Variants in SLCO3A1 observed in about 807,000 individuals in gnomAD.
The protein encoded by SLCO3A1 is PGE1 transporter.
SLCO3A1 carries 27 observed loss-of-function variants against 63.1 expected under a neutral mutation model. The observed-to-expected ratio is 0.43, with a 90% CI of 0.32 to 0.59. The LOEUF is 0.59. SLCO3A1 is among the 20% of genes least tolerant of loss of function. The probability of loss-of-function intolerance (pLI) is 0.09; values close to 1 mark genes in which losing one functional copy is unlikely to be tolerated. For missense variants in SLCO3A1, 773 were observed against 945.8 expected, an observed-to-expected ratio of 0.82 and a Z score of 2.40; for synonymous variants, 473 against 409.9, an observed-to-expected ratio of 1.15 and a Z score of -1.86.
intron 2 of SLCO3A1, among the ~76,000 whole-genome samples, chr15:91,921,864 A>G (rs537015877): frequency 4.0e-5 from 6 of 151,448 alleles, no homozygotes; most frequent in African/African-American, 1.2e-4. Flanking sequence ...CGAGTAGCTG[A>G]GATTATAGGT....
Position 91,865,365 on chromosome 15 carries a change from G to C in SLCO3A1, c.180+11277G>C, listed in dbSNP as rs573920191. On this transcript the variant is annotated intron_variant, in intron 1 of 9. Transcript: ENST00000318445. The surrounding 1 kb of genome is among the most constrained non-coding windows in gnomAD (Gnocchi z 4.6). ...TTCACAGTTTATCTGTTGGTGAGGT[G>C]GACATGGGCTTGGAGGGGAGAGGGT... Among the ~76,000 whole-genome samples, 14 of 152,296 alleles carry C rather than the reference G, an allele frequency of 9.2e-5. No homozygotes were observed. In the East Asian group the frequency reaches 2.7e-3, roughly 29 times the overall value.
intron 7 of SLCO3A1, among the ~76,000 whole-genome samples, chr15:92,144,822 G>A (rs1292203986): frequency 6.6e-6 from 1 of 152,192 alleles, no homozygotes; most frequent in Non-Finnish European, 1.5e-5. Flanking sequence ...CGTTCCTGGA[G>A]GCAGTTTTGA....
intron 1 of SLCO3A1, among the ~76,000 whole-genome samples, chr15:91,889,387 T>G (rs1897814349): frequency 6.6e-6 from 1 of 152,222 alleles, no homozygotes; most frequent in African/African-American, 2.4e-5. Flanking sequence ...GGTCCAGAGC[T>G]CACACTGCCT....
chr15:91,966,827 T>C (rs1018715265), intron 2 of SLCO3A1, among the ~76,000 whole-genome samples: 1 of 152,190 alleles, frequency 6.6e-6, no homozygotes, highest in Non-Finnish European at 1.5e-5. Flanking sequence ...GATTTCAACT[T>C]GAAGCAGAAA....
At chr15:92,064,183 G>C (rs756391948) in intron 2 of SLCO3A1, among the ~76,000 whole-genome samples, 1 of 152,200 alleles carries the variant, frequency 6.6e-6, no homozygotes, top group Non-Finnish European at 1.5e-5. Flanking sequence ...ACTTGGCTTC[G>C]AGGTCCTCCC....
At chr15:92,115,428 T>C (rs549237809) in intron 4 of SLCO3A1, among the ~76,000 whole-genome samples, 1 of 152,168 alleles carries the variant, frequency 6.6e-6, no homozygotes, top group African/African-American at 2.4e-5. Context: ...TGAGGAACAC[T>C]ACACATGACA....
chr15:91,982,886 C>G (rs1473870104), intron 2 of SLCO3A1, among the ~76,000 whole-genome samples: 1 of 152,218 alleles, frequency 6.6e-6, no homozygotes, highest in Non-Finnish European at 1.5e-5. Context: ...TTACACCCAG[C>G]AAGGGGATCA....
At chr15:91,937,278 C>T (rs1899447103) in intron 2 of SLCO3A1, among the ~76,000 whole-genome samples, 1 of 152,182 alleles carries the variant, frequency 6.6e-6, no homozygotes, top group African/African-American at 2.4e-5. Context: ...ACCTAGGGGG[C>T]AGGTAGCACG....
chr15:92,162,820 G>A lies in SLCO3A1; in HGVS notation c.1818G>A (p.Thr606=), dbSNP rs144388319. ...ACTCCACCTGCCTGTTCTGGAGCAC[G>A]TTCTGTGGGGAGCAAGGCGCCTGCG... ...GIDSTCLFWS[T]FCGEQGACVL... is the part of the protein sequence containing the mutation. Residue 606 remains threonine (T), a synonymous_variant, in exon 10 of 10, where the codon ACG becomes ACA. Coordinates refer to ENST00000318445, the MANE Select transcript of SLCO3A1 (RefSeq NM_013272.4). The A allele has an allele frequency of 5.3e-5, 85 of 1,614,176 alleles. No homozygotes were observed. The African/African-American group carries it at 7.1e-4, about 13-fold the overall frequency.
chr15:91,977,141 T>C (rs1333065772), intron 2 of SLCO3A1, among the ~76,000 whole-genome samples: 1 of 152,172 alleles, frequency 6.6e-6, no homozygotes, highest in Non-Finnish European at 1.5e-5. Context: ...ATGTCATGAA[T>C]GATTGGATGG....
intron 2 of SLCO3A1, among the ~76,000 whole-genome samples, chr15:92,042,197 T>G (rs542397721): frequency 6.6e-6 from 1 of 152,270 alleles, no homozygotes; most frequent in African/African-American, 2.4e-5. Context: ...GAGTAAACAC[T>G]TTTACTCTTT....
chr15:91,983,691 T>G (rs1341273299), intron 2 of SLCO3A1, among the ~76,000 whole-genome samples: 5 of 152,104 alleles, frequency 3.3e-5, no homozygotes, highest in African/African-American at 1.2e-4. Context: ...TGAAAATCAG[T>G]GTTTAAAATG....
chr15:92,107,532 T>C (rs1191889924), intron 4 of SLCO3A1, among the ~76,000 whole-genome samples: 1 of 152,234 alleles, frequency 6.6e-6, no homozygotes. Flanking sequence ...ATACATGCAG[T>C]GTGTTACACA....
rs765929589 is a variant in SLCO3A1 at position 91,872,215 on chromosome 15, A to C, written c.180+18127A>C. On this transcript the variant is annotated intron_variant, in intron 1 of 9. Transcript: ENST00000318445. The surrounding 1 kb of genome is among the most constrained non-coding windows in gnomAD (Gnocchi z 4.1). Reference sequence around the variant, plus strand: ...CATTATTTCTCTTTTCCGTATAAGGAAATAGGGCTCACTTCTAGAAGTTAA... The same window carrying C: ...CATTATTTCTCTTTTCCGTATAAGGCAATAGGGCTCACTTCTAGAAGTTAA... Among the ~76,000 whole-genome samples the C allele has an allele frequency of 6.6e-6, 1 of 152,164 alleles. No individual in the cohort carries two copies. Among genetic ancestry groups the C allele is most frequent in the Non-Finnish European group, 1.5e-5 (1 of 68,042 alleles).
chr15:92,117,088 C>T (rs1235459986), intron 4 of SLCO3A1, among the ~76,000 whole-genome samples: 1 of 152,182 alleles, frequency 6.6e-6, no homozygotes, highest in Non-Finnish European at 1.5e-5. Flanking sequence ...GGAATTATCT[C>T]CAGAATAATT....
chr15:92,064,101 C>A lies in SLCO3A1; in HGVS notation c.647-30780C>A, dbSNP rs1049595722. Among the ~76,000 whole-genome samples the A allele has an allele frequency of 7.6e-4, 115 of 152,290 alleles. 1 individual carries two copies. Among genetic ancestry groups the A allele is most frequent in the African/African-American group, 2.5e-3 (104 of 41,556 alleles). On this transcript the variant is annotated intron_variant, in intron 2 of 9. Coordinates refer to ENST00000318445, the MANE Select transcript of SLCO3A1 (RefSeq NM_013272.4). ...ATCTGTTCAAGCCATGAGCCTAACA[C>A]TAGAGATAGTCTCCTAACAGAGCCC...
Position 92,164,904 on chromosome 15 carries a change from C to G in SLCO3A1, c.*1769C>G. On this transcript the variant is annotated 3_prime_UTR_variant, in exon 10 of 10. Transcript: ENST00000318445. ...AACAAAGGGCCCTGCTAACTTACTC[C>G]TCATGCTGCTTCAGTGACCTTTGTT... 1.0e-6 allele frequency: 1 copy of G among 985,404 alleles called. No homozygotes were observed. The highest frequency in any genetic ancestry group is 1.2e-6 in the Non-Finnish European group (1 of 829,940). The allele number at this position is 985,404 out of a possible 1,614,324, so 61.0% of individuals were successfully genotyped here.
chr15:91,858,304 T>C (rs1484282416), intron 1 of SLCO3A1, among the ~76,000 whole-genome samples: 3 of 152,186 alleles, frequency 2.0e-5, no homozygotes, highest in Non-Finnish European at 2.9e-5. Context: ...ACACTTATGC[T>C]TACTCAAAGT....
At chr15:92,161,160 C>T (rs922406123) in intron 9 of SLCO3A1, among the ~76,000 whole-genome samples, 18 of 152,180 alleles carry the variant, frequency 1.2e-4, no homozygotes, top group African/African-American at 4.1e-4. Context: ...TGCAGTCTGT[C>T]ACTGAAGATG....
Sources: allele counts gnomAD v4.1 joint callset (sites outside exome capture counted in the v4.1 genomes callset), GRCh38; gene constraint gnomAD v4.1.1; non-coding constraint Gnocchi (gnomAD v3.1); transcripts MANE v1.5; gene names NCBI Gene and HGNC (gene_info 2026-07-23, HGNC 2026-07-21).